FUT9: variants seen among roughly 807,000 people sequenced by gnomAD.
FUT9 encodes fucosyltransferase 9.
FUT9 carries 15 observed loss-of-function variants against 29.7 expected under a neutral mutation model. The observed-to-expected ratio is 0.51, with a 90% CI of 0.34 to 0.78. The LOEUF is 0.78. FUT9 is among the 30% of genes least tolerant of loss of function. The probability of loss-of-function intolerance (pLI) is 0.01; values close to 1 mark genes in which losing one functional copy is unlikely to be tolerated. For synonymous variants in FUT9, 169 were observed against 153.7 expected, an observed-to-expected ratio of 1.10 and a Z score of -0.74; for missense variants, 319 against 425.4, an observed-to-expected ratio of 0.75 and a Z score of 2.20.
At chr6:96,095,779 T>C (rs1285832609) in intron 1 of FUT9, among the ~76,000 whole-genome samples, 1 of 152,144 alleles carries the variant, frequency 6.6e-6, no homozygotes, top group African/African-American at 2.4e-5. Context: ...TGCACCAGGC[T>C]GTCTGGCTTT....
At chr6:96,087,477 C>T (rs1771337215) in intron 1 of FUT9, among the ~76,000 whole-genome samples, 3 of 150,328 alleles carry the variant, frequency 2.0e-5, no homozygotes, top group Admixed American at 6.7e-5. Context: ...AGCAATTATC[C>T]TGCCTCAGCC....
chr6:96,063,084 C>T (rs565833087), intron 1 of FUT9, among the ~76,000 whole-genome samples: 50 of 152,164 alleles, frequency 3.3e-4, no homozygotes, highest in African/African-American at 1.1e-3. Context: ...GAAAAAGATA[C>T]CTTATCTATG....
At chr6:96,133,303 A>C (rs1772282006) in intron 2 of FUT9, among the ~76,000 whole-genome samples, 1 of 152,038 alleles carries the variant, frequency 6.6e-6, no homozygotes, top group Non-Finnish European at 1.5e-5. Context: ...AATTTTCCAT[A>C]ACCAGAAGCC....
intron 1 of FUT9, 30 bp from the exon 2 acceptor site, chr6:96,114,009 A>G (rs1017579896): frequency 1.5e-4 from 23 of 152,200 alleles, no homozygotes; most frequent in Admixed American, 1.1e-3. Context: ...CATTTAACTA[A>G]CATACTACTT....
rs545615055 is a variant in FUT9 at position 96,069,433 on chromosome 6, T to C, written c.-97-44606T>C. ...GTAATCAGATTGCCAAATGAGAAGA[T>C]TGGAAAAAATCTTAGTGACAAGATT... On this transcript the variant is annotated intron_variant, in intron 1 of 2. Coordinates refer to ENST00000302103, the MANE Select transcript of FUT9 (RefSeq NM_006581.4). 1.6e-4 allele frequency among the ~76,000 whole-genome samples: 25 copies of C among 152,088 alleles called. 1 individual carries two copies. The highest frequency in any genetic ancestry group is 5.2e-4 in the Admixed American group (8 of 15,268).
intron 2 of FUT9, among the ~76,000 whole-genome samples, chr6:96,193,812 A>C (rs1386621681): frequency 1.3e-5 from 2 of 152,204 alleles, no homozygotes; most frequent in African/African-American, 2.4e-5. Context: ...CCAAATGTTG[A>C]TCAATGATAG....
chr6:96,157,789 C>T (rs944376218), intron 2 of FUT9, among the ~76,000 whole-genome samples: 1 of 152,008 alleles, frequency 6.6e-6, no homozygotes, highest in African/African-American at 2.4e-5. Flanking sequence ...TAATATAGAG[C>T]AACACTGCCT....
chr6:96,057,762 A>T (rs553046983), intron 1 of FUT9, among the ~76,000 whole-genome samples: 1 of 152,328 alleles, frequency 6.6e-6, no homozygotes, highest in South Asian at 2.1e-4. Flanking sequence ...AAGAGACATC[A>T]GGAGGTTTGG....
intron 1 of FUT9, among the ~76,000 whole-genome samples, chr6:96,049,037 T>A (rs1175903324): frequency 6.6e-6 from 1 of 152,206 alleles, no homozygotes; most frequent in Non-Finnish European, 1.5e-5. Flanking sequence ...AGTTCCTACA[T>A]GTAAAATTAT....
chr6:96,145,362 T>A (rs1271167332), intron 2 of FUT9, among the ~76,000 whole-genome samples: 1 of 152,184 alleles, frequency 6.6e-6, no homozygotes, highest in East Asian at 1.9e-4. Flanking sequence ...AGTCTTGTCT[T>A]ATTATTTATT....
Position 96,194,846 on chromosome 6 carries a change from C to A in FUT9, c.-8-8302C>A, listed in dbSNP as rs193278990. ...TTGTTCTGAAAAAATGCCAGCAAGG[C>A]ACCTCCTGGCCCTGTCTGTGGTATT... On this transcript the variant is annotated intron_variant, in intron 2 of 2. Transcript: ENST00000302103. 1.5e-4 allele frequency among the ~76,000 whole-genome samples: 23 copies of A among 152,196 alleles called. No individual in the cohort carries two copies. In the East Asian group the frequency reaches 4.3e-3, roughly 28 times the overall value.
chr6:96,095,772 A>T (rs1327947074), intron 1 of FUT9, among the ~76,000 whole-genome samples: 1 of 152,086 alleles, frequency 6.6e-6, no homozygotes, highest in Non-Finnish European at 1.5e-5. Context: ...AGACCTTTGC[A>T]CCAGGCTGTC....
intron 2 of FUT9, among the ~76,000 whole-genome samples, chr6:96,177,822 A>G (rs1773231651): frequency 6.6e-6 from 1 of 152,204 alleles, no homozygotes; most frequent in African/African-American, 2.4e-5. Context: ...AATGTTACTA[A>G]GGTCCTCAAT....
intron 2 of FUT9, among the ~76,000 whole-genome samples, chr6:96,151,486 GACCAGCCTTCTTT>G (rs1772674720): frequency 1.3e-5 from 2 of 152,248 alleles, no homozygotes; most frequent in South Asian, 4.1e-4. Context: ...TACTTTAAGG[GACCAGCCTTCTTT>G]AAAGATTTTA....
chr6:96,127,104 G>C (rs909830087), intron 2 of FUT9, among the ~76,000 whole-genome samples: 1 of 152,104 alleles, frequency 6.6e-6, no homozygotes, highest in Non-Finnish European at 1.5e-5. Context: ...GCATGTCTCA[G>C]GGGTTTGATG....
chr6:96,106,829 A>C (rs1268091296), intron 1 of FUT9, among the ~76,000 whole-genome samples: 2 of 152,236 alleles, frequency 1.3e-5, no homozygotes, highest in Non-Finnish European at 2.9e-5. Flanking sequence ...GGAGTGCTTA[A>C]ACTTGATTGA....
chr6:96,150,449 A>G (rs1007094462), intron 2 of FUT9, among the ~76,000 whole-genome samples: 9 of 152,152 alleles, frequency 5.9e-5, no homozygotes, highest in African/African-American at 2.2e-4. Flanking sequence ...AAAGAGAACA[A>G]TGGGCTGTGA....
chr6:96,059,147 T>C (rs1462775302), intron 1 of FUT9, among the ~76,000 whole-genome samples: 2 of 152,196 alleles, frequency 1.3e-5, no homozygotes, highest in African/African-American at 4.8e-5. Context: ...GAGGATAATG[T>C]AGGTTGTGAA....
At position 96,208,273 on chromosome 6, in the gene FUT9, T is replaced by TA. The variant is rs1364325496; in HGVS notation, c.*4038_*4039insA. ...TGAGTCTTAAGGTAATATCCTAGAA[T>TA]TTTTTTTTTGCGTGAATTAAAGTTA... On this transcript the variant is annotated 3_prime_UTR_variant, in exon 3 of 3. Transcript: ENST00000302103. The TA allele has an allele frequency of 1.1e-4, 2 of 18,242 alleles. No individual in the cohort carries two copies. The highest frequency in any genetic ancestry group is 5.9e-4 in the African/African-American group (2 of 3,372). The allele number at this position is 18,242 out of a possible 1,614,324, so 1.1% of individuals were successfully genotyped here. A position where few individuals can be genotyped will look rare whatever the true frequency, so the allele number is the denominator to read the frequency against.
Sources: allele counts gnomAD v4.1 joint callset (sites outside exome capture counted in the v4.1 genomes callset), GRCh38; gene constraint gnomAD v4.1.1; transcripts MANE v1.5; gene names NCBI Gene and HGNC (gene_info 2026-07-23, HGNC 2026-07-21).